The following CCDC91 variants were observed in gnomAD, a reference collection of about 807,000 sequenced individuals.
CCDC91 encodes coiled-coil domain containing 91, also known as coiled-coil domain-containing protein 91.
CCDC91 carries 48 observed loss-of-function variants against 63.2 expected under a neutral mutation model. The observed-to-expected ratio is 0.76, with a 90% confidence interval of 0.60 to 0.97. The LOEUF (loss-of-function observed/expected upper bound fraction) is 0.97. Ranked by LOEUF, CCDC91 falls within the 50% of genes least tolerant of loss-of-function variation. The probability of loss-of-function intolerance (pLI) is 0.00; values close to 1 mark genes in which losing one functional copy is unlikely to be tolerated. For missense variants in CCDC91, 500 were observed against 494.6 expected, an observed-to-expected ratio of 1.01 and a Z score of -0.10; for synonymous variants, 167 against 165.8, an observed-to-expected ratio of 1.01 and a Z score of -0.06.
At chr12:28,318,780 A>G (rs1365808557) in intron 6 of CCDC91, among the ~76,000 whole-genome samples, 1 of 152,024 alleles carries the variant, frequency 6.6e-6, no homozygotes, top group Non-Finnish European at 1.5e-5. Flanking sequence ...AACTAAATGG[A>G]ACAGTTTTGA....
intron 12 of CCDC91, among the ~76,000 whole-genome samples, chr12:28,539,436 T>C (rs1942458141): frequency 6.6e-6 from 1 of 152,208 alleles, no homozygotes; most frequent in African/African-American, 2.4e-5. Flanking sequence ...GCATTATTTC[T>C]GAGGGCTCTG....
intron 11 of CCDC91, among the ~76,000 whole-genome samples, chr12:28,470,845 AT>A (rs1950780130): frequency 6.6e-6 from 1 of 152,218 alleles, no homozygotes; most frequent in Non-Finnish European, 1.5e-5. Flanking sequence ...AAAGACATAC[AT>A]TACATATTCT....
In CCDC91 at chr12:28,452,521, A is replaced by G; in HGVS notation, c.968A>G (p.Glu323Gly). The change falls in exon 11 of 13, where the codon GAA (glutamate) becomes GGA (glycine). Residue 323 changes from glutamate (E) to glycine (G), a missense_variant. Transcript: ENST00000536442. ...AAGGATGCAGTTTTAAAAGTCGTAG[A>G]AGAAGAAAGAAAAAATTTAGAAAAA... ...AVKDAVLKVVEEERKNLEKAH... is the reference protein window; with the variant it reads ...AVKDAVLKVVGEERKNLEKAH... 2 of 1,588,418 alleles carry G rather than the reference A, an allele frequency of 1.3e-6. No individual in the cohort carries two copies. Among genetic ancestry groups the G allele is most frequent in the Non-Finnish European group, 1.7e-6 (2 of 1,167,540 alleles).
intron 1 of CCDC91, among the ~76,000 whole-genome samples, chr12:28,208,189 G>A (rs1942985620): frequency 6.6e-6 from 1 of 152,170 alleles, no homozygotes; most frequent in South Asian, 2.1e-4. Context: ...AAGACGCCAT[G>A]CTTTTGAAAT....
chr12:28,489,453 G>GT (rs1951886508), intron 12 of CCDC91, among the ~76,000 whole-genome samples: 1 of 151,860 alleles, frequency 6.6e-6, no homozygotes, highest in Admixed American at 6.6e-5. Context: ...CATCCCACAA[G>GT]TTAAGACTGT....
chr12:28,207,943 G>A (rs1489141983), intron 1 of CCDC91, among the ~76,000 whole-genome samples: 3 of 152,180 alleles, frequency 2.0e-5, no homozygotes, highest in Non-Finnish European at 2.9e-5. Flanking sequence ...TATTCAAATT[G>A]TGTATCTAAA....
chr12:28,270,733 T>G (rs1283314962), intron 3 of CCDC91, among the ~76,000 whole-genome samples: 1 of 152,152 alleles, frequency 6.6e-6, no homozygotes, highest in Non-Finnish European at 1.5e-5. Flanking sequence ...GTCGATGGAA[T>G]ATGTTTGATT....
intron 6 of CCDC91, among the ~76,000 whole-genome samples, chr12:28,337,859 A>G (rs1942105607): frequency 6.6e-6 from 1 of 151,932 alleles, no homozygotes; most frequent in Admixed American, 6.6e-5. Flanking sequence ...AATATTTCTT[A>G]TAAATTTCTA....
chr12:28,478,763 C>G (rs867394646), intron 11 of CCDC91, among the ~76,000 whole-genome samples: 23 of 152,202 alleles, frequency 1.5e-4, no homozygotes, highest in South Asian at 1.2e-3. Context: ...AACAAATTTA[C>G]AAGAGAAAAT....
At chr12:28,415,378 C>T (rs533308875) in intron 8 of CCDC91, among the ~76,000 whole-genome samples, 43 of 152,124 alleles carry the variant, frequency 2.8e-4, no homozygotes, top group African/African-American at 9.6e-4. Context: ...CATGCACCAC[C>T]GTGCCCGGCT....
At chr12:28,492,144 C>T (rs1372196732) in intron 12 of CCDC91, among the ~76,000 whole-genome samples, 4 of 151,702 alleles carry the variant, frequency 2.6e-5, no homozygotes, top group African/African-American at 9.7e-5. Context: ...TATATATTTA[C>T]ACAGCATGCA....
chr12:28,204,939 T>C (rs976361480), intron 1 of CCDC91, among the ~76,000 whole-genome samples: 2 of 152,204 alleles, frequency 1.3e-5, no homozygotes, highest in African/African-American at 4.8e-5. Context: ...CCATGCATAA[T>C]TAACATTTTT....
intron 1 of CCDC91, among the ~76,000 whole-genome samples, chr12:28,210,866 A>G (rs143030852): frequency 1.3e-5 from 2 of 152,058 alleles, no homozygotes; most frequent in Admixed American, 6.6e-5. Flanking sequence ...AGAGACTGAG[A>G]CAGTATTGCC....
chr12:28,242,283 C>G (rs1260818486), intron 1 of CCDC91, among the ~76,000 whole-genome samples: 1 of 152,166 alleles, frequency 6.6e-6, no homozygotes, highest in Non-Finnish European at 1.5e-5. Context: ...CTTCTCATTA[C>G]AAACAAAGAA....
intron 1 of CCDC91, among the ~76,000 whole-genome samples, chr12:28,237,365 A>G (rs984374224): frequency 3.9e-5 from 6 of 152,190 alleles, no homozygotes; most frequent in Admixed American, 3.3e-4. Context: ...GGGTTTTTGA[A>G]GATATGGTTA....
rs1419125628 is a variant in CCDC91 at position 28,449,345 on chromosome 12, T to A, written c.763-816T>A. 6.6e-5 allele frequency among the ~76,000 whole-genome samples: 10 copies of A among 152,180 alleles called. No individual in the cohort carries two copies. In the South Asian group the frequency reaches 2.1e-3, roughly 32 times the overall value. ...ATAGCATTCCAAATCTGAGAAAATATCTTACTTGCCTTTAATAACTGAATG... is the reference window on the plus strand; with the variant it reads ...ATAGCATTCCAAATCTGAGAAAATAACTTACTTGCCTTTAATAACTGAATG... On this transcript the variant is annotated intron_variant, in intron 8 of 12. Transcript: ENST00000536442.
chr12:28,217,264 A>G (rs1443359245), intron 1 of CCDC91, among the ~76,000 whole-genome samples: 2 of 152,192 alleles, frequency 1.3e-5, no homozygotes, highest in African/African-American at 4.8e-5. Flanking sequence ...GTATATGTAA[A>G]CACACATATT....
At chr12:28,441,208 C>T (rs1361687517) in intron 8 of CCDC91, among the ~76,000 whole-genome samples, 22 of 151,532 alleles carry the variant, frequency 1.5e-4, no homozygotes, top group South Asian at 2.1e-4. Context: ...GACTTTTGTA[C>T]ATCCAGTAAA....
At chr12:28,432,869 T>A (rs1948704706) in intron 8 of CCDC91, among the ~76,000 whole-genome samples, 1 of 152,126 alleles carries the variant, frequency 6.6e-6, no homozygotes, top group African/African-American at 2.4e-5. Flanking sequence ...TTGCTCCACA[T>A]TCTCAAAAGC....
Sources: allele counts gnomAD v4.1 joint callset (sites outside exome capture counted in the v4.1 genomes callset), GRCh38; gene constraint gnomAD v4.1.1; transcripts MANE v1.5; gene names NCBI Gene and HGNC (gene_info 2026-07-23, HGNC 2026-07-21).